PRDM2: variants seen among roughly 807,000 people sequenced by gnomAD.
The protein encoded by PRDM2 is PR domain zinc finger protein 2.
In PRDM2, 30 loss-of-function variants were observed where a neutral mutation model predicts 130.0. The observed-to-expected ratio is 0.23, with a 90% CI of 0.17 to 0.31. PRDM2 has a LOEUF of 0.31. Ranked by LOEUF, PRDM2 falls within the 10% of genes least tolerant of loss-of-function variation. The pLI, the probability that PRDM2 is intolerant of heterozygous loss-of-function variation, is 1.00. For missense variants in PRDM2, 2,011 were observed against 2,108.4 expected, an observed-to-expected ratio of 0.95 and a Z score of 0.90; for synonymous variants, 871 against 782.4, an observed-to-expected ratio of 1.11 and a Z score of -1.89.
At chr1:13,710,941 C>A (rs575514845) in intron 1 of PRDM2, among the ~76,000 whole-genome samples, 1 of 151,996 alleles carries the variant, frequency 6.6e-6, no homozygotes, top group African/African-American at 2.4e-5. Flanking sequence ...AAAAAATAGC[C>A]GGGCGTGTTG....
chr1:13,769,437 C>G (rs1251433212), intron 6 of PRDM2, among the ~76,000 whole-genome samples: 1 of 152,120 alleles, frequency 6.6e-6, no homozygotes, highest in Non-Finnish European at 1.5e-5. Flanking sequence ...TGGGCAGGAC[C>G]CCTGGTTCTG....
chr1:13,763,093 C>CT (rs1644141037), intron 6 of PRDM2, among the ~76,000 whole-genome samples: 1 of 152,182 alleles, frequency 6.6e-6, no homozygotes, highest in Admixed American at 6.5e-5. Context: ...GTTGCTTAGT[C>CT]TTTGCATTTT....
At chr1:13,816,359 C>T in intron 8 of PRDM2, 68 bp from the exon 9 acceptor site, 2 of 1,583,204 alleles carry the variant, frequency 1.3e-6, no homozygotes, top group African/African-American at 1.3e-5. Context: ...AAGGAAGCCC[C>T]CCCAGCAATG....
intron 8 of PRDM2, among the ~76,000 whole-genome samples, chr1:13,809,128 G>T (rs1211060396): frequency 6.6e-6 from 1 of 152,262 alleles, no homozygotes; most frequent in Non-Finnish European, 1.5e-5. Context: ...CAGAAGGGGA[G>T]AGATGGGCTG....
At chr1:13,727,172 G>C (rs1224798963) in intron 2 of PRDM2, among the ~76,000 whole-genome samples, 2 of 152,072 alleles carry the variant, frequency 1.3e-5, no homozygotes, top group Admixed American at 6.6e-5. Context: ...TTCCTGACAT[G>C]TTTCCCCAAT....
intron 6 of PRDM2, among the ~76,000 whole-genome samples, chr1:13,754,971 C>G (rs1485129998): frequency 1.3e-5 from 2 of 151,948 alleles, no homozygotes; most frequent in Non-Finnish European, 2.9e-5. Context: ...CTGGCTGCCT[C>G]CTAGCTGAGG....
intron 9 of PRDM2, among the ~76,000 whole-genome samples, chr1:13,819,491 T>C (rs1557681194): frequency 6.6e-6 from 1 of 152,230 alleles, no homozygotes; most frequent in African/African-American, 2.4e-5. Flanking sequence ...TAAAATCTTC[T>C]GTAGCTTTTT....
rs1644354131 is a variant in PRDM2 at position 13,771,283 on chromosome 1, A to T, written c.512-1795A>T. ...ATGCAGATCCTTCACTCTTGTTATC[A>T]CCAGAGTGTGGTCCCGGTGAAGTGT... On this transcript the variant is annotated intron_variant, in intron 6 of 9. Coordinates refer to ENST00000311066, the MANE Select transcript of PRDM2 (RefSeq NM_001393986.1). The surrounding 1 kb of genome is among the most constrained non-coding windows in gnomAD (Gnocchi z 4.1). Among the ~76,000 whole-genome samples, 1 of 152,108 alleles carries T rather than the reference A, an allele frequency of 6.6e-6. No individual in the cohort carries two copies. The highest frequency in any genetic ancestry group is 2.1e-4 in the South Asian group (1 of 4,828).
chr1:13,779,203 T>A lies in PRDM2; in HGVS notation c.1408T>A (p.Ser470Thr). ...GAAGGCTTCCCAAGACACAATAAAT[T>A]CTTCTGTCGTAGAAGAGAATGGGGA... Reference protein sequence around the residue: ...SEKASQDTINSSVVEENGEVK... With the variant: ...SEKASQDTINTSVVEENGEVK... The change falls in exon 8 of 10, where the codon TCT (serine) becomes ACT (threonine). Residue 470 changes from serine (S) to threonine (T), a missense_variant. Transcript: ENST00000311066. This position sits in a 1 kb window ranked among gnomAD's most constrained non-coding sequence, Gnocchi z 4.9. 6.2e-7 allele frequency: 1 copy of A among 1,614,138 alleles called. No individual in the cohort carries two copies. The highest frequency in any genetic ancestry group is 8.5e-7 in the Non-Finnish European group (1 of 1,180,016).
At chr1:13,746,468 G>A (rs578138145) in intron 5 of PRDM2, among the ~76,000 whole-genome samples, 1 of 151,356 alleles carries the variant, frequency 6.6e-6, no homozygotes, top group African/African-American at 2.4e-5. Flanking sequence ...AGCATATATC[G>A]CTCCGTAATA....
rs191557427 is a variant in PRDM2 at position 13,758,470 on chromosome 1, G to A, written c.511+8983G>A. 2.7e-5 allele frequency among the ~76,000 whole-genome samples: 4 copies of A among 149,526 alleles called. No homozygotes were observed. In the East Asian group the frequency reaches 7.9e-4, roughly 29 times the overall value. On this transcript the variant is annotated intron_variant, in intron 6 of 9. Coordinates refer to ENST00000311066, the MANE Select transcript of PRDM2 (RefSeq NM_001393986.1). Reference sequence around the variant, plus strand: ...TCAAAAAAAAAAAAAAAAAAAGTAAGTAGTTAACACCCGCCCCAACCACCC... The same window carrying A: ...TCAAAAAAAAAAAAAAAAAAAGTAAATAGTTAACACCCGCCCCAACCACCC...
chr1:13,715,713 G>T, intron 2 of PRDM2, 99 bp downstream of exon 2: 2 of 1,129,534 alleles, frequency 1.8e-6, no homozygotes, highest in South Asian at 1.6e-5. Flanking sequence ...ATTTCTCCTG[G>T]ATTCTCATTT....
rs752907878 is a variant in PRDM2, at chr1:13,773,102, A to T, written c.536A>T (p.Lys179Ile). ...GGGAAGAAAAAATCCCAGGAAAATAAAAACAAAGGAAACAAAATCCAAGAC... is the reference window on the plus strand; with the variant it reads ...GGGAAGAAAAAATCCCAGGAAAATATAAACAAAGGAAACAAAATCCAAGAC... ...RKGKKKSQEN[K>I]NKGNKIQDIQ... is the part of the protein sequence containing the mutation. Residue 179 changes from lysine to isoleucine, a missense_variant, in exon 7 of 10, where the codon AAA becomes ATA. Around this residue, in one of 5 missense-constraint regions of PRDM2, gnomAD observed 1,288 missense variants for 1,237.7 expected, o/e 1.04. Coordinates refer to ENST00000311066, the MANE Select transcript of PRDM2 (RefSeq NM_001393986.1). The T allele has an allele frequency of 1.9e-6, 3 of 1,557,064 alleles. No homozygotes were observed. The Admixed American group carries it at 6.3e-5, about 33-fold the overall frequency.
chr1:13,730,943 AC>A, intron 2 of PRDM2, 56 bp from the exon 3 acceptor site: 1 of 1,298,196 alleles, frequency 7.7e-7, no homozygotes, highest in Non-Finnish European at 1.1e-6. Context: ...AAAAAAAAAA[AC>A]CCATGATTTG....
intron 8 of PRDM2, among the ~76,000 whole-genome samples, chr1:13,808,359 C>T (rs1324493587): frequency 3.4e-5 from 5 of 148,882 alleles, no homozygotes; most frequent in East Asian, 2.0e-4. Flanking sequence ...GGCGTGGTGG[C>T]GGGCTGAGGC....
At chr1:13,805,871 C>T (rs141635092) in intron 8 of PRDM2, among the ~76,000 whole-genome samples, 1 of 152,188 alleles carries the variant, frequency 6.6e-6, no homozygotes, top group Non-Finnish European at 1.5e-5. Context: ...GGAAGAGCAC[C>T]GTGGCCACGT....
intron 8 of PRDM2, among the ~76,000 whole-genome samples, chr1:13,815,392 A>T (rs546873388): frequency 6.2e-4 from 95 of 152,324 alleles, no homozygotes; most frequent in African/African-American, 2.1e-3. Flanking sequence ...GATTACAGGC[A>T]TGAGCCACCG....
At chr1:13,805,499 TC>T (rs1645073193) in intron 8 of PRDM2, among the ~76,000 whole-genome samples, 1 of 152,014 alleles carries the variant, frequency 6.6e-6, no homozygotes. Context: ...TGTCGACTGT[TC>T]CTGGAGGTGG....
At chr1:13,788,744 G>A (rs1644791746) in intron 8 of PRDM2, among the ~76,000 whole-genome samples, 1 of 152,236 alleles carries the variant, frequency 6.6e-6, no homozygotes, top group South Asian at 2.1e-4. Flanking sequence ...CCTGTGAGGA[G>A]TTGAGTGTTG....
Sources: gnomAD v4.1 joint callset for allele counts (sites outside exome capture counted in the v4.1 genomes callset) on GRCh38, gnomAD v4.1.1 for gene constraint, gnomAD v4.1.1 regional missense constraint, Gnocchi (gnomAD v3.1) non-coding constraint, MANE v1.5 for transcripts, NCBI Gene and HGNC (gene_info 2026-07-23, HGNC 2026-07-21) for gene names.